CPLANE1: variants seen among roughly 807,000 people sequenced by gnomAD.
CPLANE1 encodes the protein ciliogenesis and planar polarity effector 1.
A neutral mutation model predicts 362.5 loss-of-function variants in CPLANE1; 263 were observed. That is an observed-to-expected ratio of 0.73 (90% CI 0.66 to 0.80). The LOEUF (loss-of-function observed/expected upper bound fraction) is 0.80, where lower values mean the gene tolerates loss of function less well. Ranked by LOEUF, CPLANE1 falls within the 30% of genes least tolerant of loss-of-function variation. The pLI, the probability that CPLANE1 is intolerant of heterozygous loss-of-function variation, is 0.00. For missense variants in CPLANE1, 3,461 were observed against 3,793.4 expected, an observed-to-expected ratio of 0.91 and a Z score of 2.30; for synonymous variants, 1,212 against 1,302.6, an observed-to-expected ratio of 0.93 and a Z score of 1.50.
chr5:37,162,343 G>T, intron 38 of CPLANE1, 122 bp downstream of exon 38: 1 of 624,896 alleles, frequency 1.6e-6, no homozygotes. Flanking sequence ...AAAAATCTAG[G>T]CAGAGTAAAT....
chr5:37,234,298 C>T (rs1483811174), intron 8 of CPLANE1, among the ~76,000 whole-genome samples: 1 of 147,374 alleles, frequency 6.8e-6, no homozygotes, highest in Non-Finnish European at 1.5e-5. Flanking sequence ...TGAAGAAGCT[C>T]AATGAGATGC....
In CPLANE1 at chr5:37,186,313, G is replaced by A; in HGVS notation, c.4162C>T (p.Gln1388Ter). ...PLRDKYHSLH[Q>*]RLRHCVVKGP... ...TTCACAACACAGTGTCTGAGTCTCT[G>A]GTGAAGAGAGTGATATTTGTCTCTT... The change falls in exon 24 of 53, where the codon CAG becomes TAG. Residue 1388 changes from glutamine (Q) to a stop codon, truncating the protein, a stop_gained. Transcript: ENST00000651892. LOFTEE classifies it high-confidence loss of function. 4 of 1,575,368 alleles carry A rather than the reference G, an allele frequency of 2.5e-6. No individual in the cohort carries two copies. Among genetic ancestry groups the A allele is most frequent in the Non-Finnish European group, 3.5e-6 (4 of 1,145,042 alleles).
the CPLANE1 span, among the ~76,000 whole-genome samples, chr5:37,078,621 G>T: frequency 6.6e-6 from 1 of 152,010 alleles, no homozygotes; most frequent in African/African-American, 2.4e-5. Flanking sequence ...TTGGGGAATT[G>T]CCACACTGTC....
chr5:37,178,187 T>G (rs1475291581), intron 29 of CPLANE1, among the ~76,000 whole-genome samples: 1 of 152,036 alleles, frequency 6.6e-6, no homozygotes, highest in African/African-American at 2.4e-5. Flanking sequence ...CCCAGCTACT[T>G]GGGAGGCTGA....
the CPLANE1 span, among the ~76,000 whole-genome samples, chr5:37,083,403 C>T: frequency 2.0e-5 from 3 of 152,094 alleles, no homozygotes; most frequent in African/African-American, 4.8e-5. Context: ...CACTAGCTCA[C>T]CAGCAATGGG....
the CPLANE1 span, among the ~76,000 whole-genome samples, chr5:37,093,566 GACCCCC>G: frequency 6.6e-6 from 1 of 152,266 alleles, no homozygotes; most frequent in Middle Eastern, 3.4e-3. Context: ...CTCCTGGTTA[GACCCCC>G]ACTCCTGGGG....
At chr5:37,181,052 T>G in intron 26 of CPLANE1, 47 bp from the exon 27 acceptor site, 1 of 1,456,940 alleles carries the variant, frequency 6.9e-7, no homozygotes, top group Non-Finnish European at 9.3e-7. Context: ...AACCCTTTAT[T>G]TTTCACCATA....
At chr5:37,228,728 T>C (rs1355989687) in intron 9 of CPLANE1, among the ~76,000 whole-genome samples, 1 of 152,166 alleles carries the variant, frequency 6.6e-6, no homozygotes, top group Non-Finnish European at 1.5e-5. Flanking sequence ...GGATTACAAG[T>C]ATTTAGTTTT....
intron 8 of CPLANE1, among the ~76,000 whole-genome samples, chr5:37,235,587 T>C (rs1230934606): frequency 6.8e-6 from 1 of 147,118 alleles, no homozygotes; most frequent in East Asian, 1.9e-4. Flanking sequence ...TTTTTTTTTT[T>C]TTTGCAATGG....
intron 9 of CPLANE1, among the ~76,000 whole-genome samples, chr5:37,228,088 T>C (rs1360139281): frequency 6.6e-6 from 1 of 152,132 alleles, no homozygotes; most frequent in East Asian, 1.9e-4. Context: ...TTTCAGAAAA[T>C]AATTCAGGCA....
At chr5:37,203,617 GA>G (rs1484972441) in intron 18 of CPLANE1, among the ~76,000 whole-genome samples, 1 of 152,224 alleles carries the variant, frequency 6.6e-6, no homozygotes, top group Non-Finnish European at 1.5e-5. Flanking sequence ...AGGCTCAAGG[GA>G]TTCTCCCACT....
chr5:37,237,070 C>A (rs886284318), intron 8 of CPLANE1, among the ~76,000 whole-genome samples: 1 of 152,172 alleles, frequency 6.6e-6, no homozygotes, highest in Non-Finnish European at 1.5e-5. Context: ...ACCATTCAAT[C>A]TAGTAATCCC....
intron 8 of CPLANE1, among the ~76,000 whole-genome samples, chr5:37,234,483 ATCTC>A (rs1561690706): frequency 6.6e-6 from 1 of 151,402 alleles, no homozygotes. Flanking sequence ...AAAAGAAAGA[ATCTC>A]AGTCAGACAA....
chr5:37,126,664 C>A, intron 46 of CPLANE1, among the ~76,000 whole-genome samples: 1 of 152,190 alleles, frequency 6.6e-6, no homozygotes, highest in East Asian at 1.9e-4. Flanking sequence ...AACTAACACA[C>A]ATGCAGTAGG....
chr5:37,216,924 TC>T (rs1214961285), intron 15 of CPLANE1, among the ~76,000 whole-genome samples: 1 of 152,166 alleles, frequency 6.6e-6, no homozygotes, highest in African/African-American at 2.4e-5. Context: ...CTAGCACTTC[TC>T]CTCTCATATA....
At chr5:37,219,883 T>A (rs1794983876) in intron 15 of CPLANE1, among the ~76,000 whole-genome samples, 1 of 152,224 alleles carries the variant, frequency 6.6e-6, no homozygotes, top group Non-Finnish European at 1.5e-5. Context: ...TCCTTTCTAC[T>A]TTTCTGTATT....
intron 50 of CPLANE1, 116 bp downstream of exon 50, chr5:37,120,100 C>G: frequency 9.3e-7 from 1 of 1,071,512 alleles, no homozygotes; most frequent in South Asian, 1.6e-5. Flanking sequence ...GCCTTCTGTT[C>G]AAATCAGAAC....
chr5:37,224,811 C>T, intron 12 of CPLANE1, 71 bp from the exon 13 acceptor site: 1 of 1,056,518 alleles, frequency 9.5e-7, no homozygotes, highest in Non-Finnish European at 1.4e-6. Context: ...CCTTTTTAGC[C>T]TATTTTTTTT....
rs1779013422 is a variant in CPLANE1, at chr5:37,168,913, T to C, written c.7111A>G (p.Met2371Val). 1 of 1,614,192 alleles carries C rather than the reference T, an allele frequency of 6.2e-7. No individual in the cohort carries two copies. Among genetic ancestry groups the C allele is most frequent in the Non-Finnish European group, 8.5e-7 (1 of 1,180,032 alleles). The change falls in exon 34 of 53, where the codon ATG (methionine) becomes GTG (valine). Residue 2371 changes from methionine (M) to valine (V), a missense_variant. Transcript: ENST00000651892. Reference sequence around the variant, plus strand: ...GATGCTCTTGAGGTTGATGGAAACATATTAGGAGGTTTAAGTGGCAGGTAT... The same window carrying C: ...GATGCTCTTGAGGTTGATGGAAACACATTAGGAGGTTTAAGTGGCAGGTAT... The part of the protein sequence containing the change: ...LLYLPLKPPN[M>V]FPSTSRASIT...
Sources: allele counts gnomAD v4.1 joint callset (sites outside exome capture counted in the v4.1 genomes callset), GRCh38; gene constraint gnomAD v4.1.1; transcripts MANE v1.5; gene names NCBI Gene and HGNC (gene_info 2026-07-23, HGNC 2026-07-21).